The following TMEM25 variants were observed in gnomAD, a reference collection of about 807,000 sequenced individuals.
The protein encoded by TMEM25 is transmembrane protein 25.
TMEM25 carries 36 observed loss-of-function variants against 37.0 expected under a neutral mutation model. That is an observed-to-expected ratio of 0.97 (90% confidence interval 0.75 to 1.28). TMEM25 has a LOEUF of 1.28. Ranked by LOEUF, TMEM25 falls within the 50% of genes most tolerant of loss-of-function variation. The probability of loss-of-function intolerance (pLI) is 0.00; values close to 1 mark genes in which losing one functional copy is unlikely to be tolerated. For missense variants in TMEM25, 444 were observed against 477.9 expected, an observed-to-expected ratio of 0.93 and a Z score of 0.66; for synonymous variants, 197 against 203.7, an observed-to-expected ratio of 0.97 and a Z score of 0.28.
At chr11:118,543,473 T>C (rs1555066216) in intron 8 of TMEM25, among the ~76,000 whole-genome samples, 1 of 152,146 alleles carries the variant, frequency 6.6e-6, no homozygotes, top group African/African-American at 2.4e-5. Context: ...AACACTTTTG[T>C]AACCAATTTA....
Position 118,531,220 on chromosome 11 carries a change from C to CG in TMEM25, c.-38dup, listed in dbSNP as rs1370697670. ...CCTGAGCAGTTGCTCCGGCGGCGCTCGGGGAGGGAGCCAGGTGAGCCGCCC... is the reference window on the plus strand; with the variant it reads ...CCTGAGCAGTTGCTCCGGCGGCGCTCGGGGGAGGGAGCCAGGTGAGCCGCCC... On this transcript the variant is annotated 5_prime_UTR_variant, in exon 1 of 9. Coordinates refer to ENST00000313236, the MANE Select transcript of TMEM25 (RefSeq NM_032780.4). 8.1e-5 allele frequency: 36 copies of CG among 444,178 alleles called. No homozygotes were observed. Among genetic ancestry groups the CG allele is most frequent in the Middle Eastern group, 5.8e-4 (1 of 1,728 alleles). 27.5% of individuals were successfully genotyped at this position (444,178 alleles called of 1,614,324 possible).
In TMEM25 at chr11:118,535,242, C is replaced by T. The variant is rs947664107; in HGVS notation, c.*662C>T. 4 of 1,163,138 alleles carry T rather than the reference C, an allele frequency of 3.4e-6. No homozygotes were observed. The African/African-American group carries it at 6.3e-5, about 18-fold the overall frequency. 72.1% of individuals were successfully genotyped at this position (1,163,138 alleles called of 1,614,324 possible). On this transcript the variant is annotated 3_prime_UTR_variant, in exon 9 of 9. Coordinates refer to ENST00000313236, the MANE Select transcript of TMEM25 (RefSeq NM_032780.4). ...ACGTTGGACCTTCTCTACTACTTCACTGGGCACTAGACTTTTCTATTGGCC... is the reference window on the plus strand; with the variant it reads ...ACGTTGGACCTTCTCTACTACTTCATTGGGCACTAGACTTTTCTATTGGCC...
At chr11:118,546,016 C>T (rs1951675516) in intron 8 of TMEM25, 1 of 713,216 alleles carries the variant, frequency 1.4e-6, no homozygotes, top group East Asian at 2.7e-5. Context: ...CCCTGTACTT[C>T]AGAATGTGAC....
intron 8 of TMEM25, among the ~76,000 whole-genome samples, chr11:118,541,253 G>A (rs1340443735): frequency 6.6e-6 from 1 of 152,034 alleles, no homozygotes; most frequent in East Asian, 1.9e-4. Flanking sequence ...ATGAGGTCAA[G>A]AGATCGAGAC....
Position 118,532,380 on chromosome 11 carries a change from G to A in TMEM25, c.301G>A (p.Ala101Thr). ...TSTFTVTAHR[A>T]QHELNCSLQD... Reference sequence around the variant, plus strand: ...CACCTTCACTGTCACTGCCCATCGGGCCCAGCATGAGCTCAACTGCTCTCT... The same window carrying A: ...CACCTTCACTGTCACTGCCCATCGGACCCAGCATGAGCTCAACTGCTCTCT... The change falls in exon 3 of 9, where the codon GCC (alanine) becomes ACC (threonine). Residue 101 changes from alanine (A) to threonine (T), a missense_variant. Coordinates refer to ENST00000313236, the MANE Select transcript of TMEM25 (RefSeq NM_032780.4). 1 of 1,614,158 alleles carries A rather than the reference G, an allele frequency of 6.2e-7. No homozygotes were observed. Among genetic ancestry groups the A allele is most frequent in the Non-Finnish European group, 8.5e-7 (1 of 1,180,012 alleles).
In TMEM25 at chr11:118,533,550, A is replaced by C; in HGVS notation, c.804A>C (p.Lys268Asn). ...CLVCRKEKKT[K>N]GPSRHPSLIS... is the part of the protein sequence containing the mutation. ...TCTGCAGAAAAGAGAAGAAAACCAA[A>C]GGTAGGCCAGGGACACTGGGGGCAG... Residue 268 changes from lysine (K) to asparagine (N), a missense_variant and splice_region_variant, in exon 5 of 9, where the codon AAA (lysine) becomes AAC (asparagine). Coordinates refer to ENST00000313236, the MANE Select transcript of TMEM25 (RefSeq NM_032780.4). 1 of 1,613,880 alleles carries C rather than the reference A, an allele frequency of 6.2e-7. No homozygotes were observed. Among genetic ancestry groups the C allele is most frequent in the Non-Finnish European group, 8.5e-7 (1 of 1,179,882 alleles).
chr11:118,531,396 A>T, intron 1 of TMEM25, 162 bp downstream of exon 1: 1 of 360,054 alleles, frequency 2.8e-6, no homozygotes, highest in Non-Finnish European at 5.1e-6. Flanking sequence ...GGATGGGAAC[A>T]GGGCAGGAGA....
Position 118,532,527 on chromosome 11 carries a change from C to A in TMEM25, c.382+66C>A, listed in dbSNP as rs925336323. The stretch of plus-strand genomic sequence containing the variant: ...CCAGGGACCCCCAGCACCCACCAGG[C>A]AGGTGGTCCGCAGGACATTTAGCAG... On this transcript the variant is annotated intron_variant, in intron 3 of 8. Coordinates refer to ENST00000313236, the MANE Select transcript of TMEM25 (RefSeq NM_032780.4). 5 of 1,526,060 alleles carry A rather than the reference C, an allele frequency of 3.3e-6. No homozygotes were observed. In the African/African-American group the frequency reaches 6.9e-5, roughly 21 times the overall value. The allele number at this position is 1,526,060 out of a possible 1,614,324, so 94.5% of individuals were successfully genotyped here.
At chr11:118,538,067 C>T (rs1326752675), downstream of TMEM25, among the ~76,000 whole-genome samples, 7 of 152,058 alleles carry the variant, frequency 4.6e-5, no homozygotes, top group Admixed American at 4.6e-4. Flanking sequence ...AAGAGAGAAT[C>T]CCCATATGGT....
At position 118,533,124 on chromosome 11, in the gene TMEM25, T is replaced by C; in HGVS notation, c.590T>C (p.Leu197Pro). ...YPWLTNHTVQ[L>P]QLRSLAHNLS... is the part of the protein sequence containing the mutation. ...TGGCTCACCAACCACACGGTGCAGCTGCAGCTCCGCAGCCTGGCACACAAC... is the reference window on the plus strand; with the variant it reads ...TGGCTCACCAACCACACGGTGCAGCCGCAGCTCCGCAGCCTGGCACACAAC... The change falls in exon 4 of 9, where the codon CTG (leucine) becomes CCG (proline). Residue 197 changes from leucine (L) to proline (P), a missense_variant. Leu to Pro is a moderately conservative substitution (Grantham distance 98). Transcript: ENST00000313236. The C allele has an allele frequency of 6.2e-7, 1 of 1,612,680 alleles. No individual in the cohort carries two copies.
chr11:118,534,704 C>T lies in TMEM25; in HGVS notation c.*124C>T. 6.0e-6 allele frequency: 9 copies of T among 1,496,684 alleles called. No homozygotes were observed. Among genetic ancestry groups the T allele is most frequent in the Non-Finnish European group, 7.1e-6 (8 of 1,120,848 alleles). 92.7% of individuals were successfully genotyped at this position (1,496,684 alleles called of 1,614,324 possible). ...TGCCACTGCCACTTTTGCTTGCCCT[C>T]CTGGCTGGGGTGCCCTCCATGTCAT... On this transcript the variant is annotated 3_prime_UTR_variant, in exon 9 of 9. Coordinates refer to ENST00000313236, the MANE Select transcript of TMEM25 (RefSeq NM_032780.4). This position sits in a 1 kb window ranked among gnomAD's most constrained non-coding sequence, Gnocchi z 4.6.
chr11:118,534,761 G>A lies in TMEM25; in HGVS notation c.*181G>A, dbSNP rs1260004915. ...GATGCATTTCACTGGGCTGTAACCC[G>A]CAGGGGCACAGGTATCTTTGGCAAG... is the stretch of plus-strand genomic sequence containing the variant. On this transcript the variant is annotated 3_prime_UTR_variant, in exon 9 of 9. Coordinates refer to ENST00000313236, the MANE Select transcript of TMEM25 (RefSeq NM_032780.4). The surrounding 1 kb of genome is among the most constrained non-coding windows in gnomAD (Gnocchi z 4.6). 1.1e-5 allele frequency: 16 copies of A among 1,425,230 alleles called. No individual in the cohort carries two copies. Among genetic ancestry groups the A allele is most frequent in the South Asian group, 3.0e-5 (2 of 65,718 alleles). 88.3% of individuals were successfully genotyped at this position (1,425,230 alleles called of 1,614,324 possible).
Position 118,534,893 on chromosome 11 carries a change from T to C in TMEM25, c.*313T>C. Reference sequence around the variant, plus strand: ...TTTGGCCAGGGGTGTTCAGATGTCATCCAGCATCCAAGTGTGGCATGGCCT... The same window carrying C: ...TTTGGCCAGGGGTGTTCAGATGTCACCCAGCATCCAAGTGTGGCATGGCCT... On this transcript the variant is annotated 3_prime_UTR_variant, in exon 9 of 9. Coordinates refer to ENST00000313236, the MANE Select transcript of TMEM25 (RefSeq NM_032780.4). This position sits in a 1 kb window ranked among gnomAD's most constrained non-coding sequence, Gnocchi z 4.6. 2.4e-6 allele frequency: 3 copies of C among 1,236,878 alleles called. No individual in the cohort carries two copies. Among genetic ancestry groups the C allele is most frequent in the Non-Finnish European group, 2.0e-6 (2 of 979,640 alleles). 76.6% of individuals were successfully genotyped at this position (1,236,878 alleles called of 1,614,324 possible).
chr11:118,532,727 C>A, intron 3 of TMEM25, 190 bp from the exon 4 acceptor site: 1 of 853,548 alleles, frequency 1.2e-6, no homozygotes, highest in Non-Finnish European at 1.8e-6. Flanking sequence ...CACATCTGGG[C>A]ATTTGGCTCT....
At chr11:118,543,967 C>T (rs370181940) in intron 8 of TMEM25, among the ~76,000 whole-genome samples, 3 of 152,032 alleles carry the variant, frequency 2.0e-5, no homozygotes, top group East Asian at 3.9e-4. Context: ...CCAAAACACC[C>T]GGCTAACTTT....
chr11:118,540,926 G>C (rs115091755), intron 8 of TMEM25, among the ~76,000 whole-genome samples: 2,078 of 152,260 alleles, frequency 0.014, 56 homozygotes, highest in African/African-American at 0.048. Context: ...CAGAGAGCAA[G>C]TTAGTGGTTG....
intron 8 of TMEM25, among the ~76,000 whole-genome samples, chr11:118,543,338 G>A (rs1470349609): frequency 2.0e-5 from 3 of 151,944 alleles, no homozygotes; most frequent in Non-Finnish European, 2.9e-5. Context: ...TGATGGTATC[G>A]ATTTTGTTTT....
Position 118,534,086 on chromosome 11 carries a change from C to G in TMEM25, c.894C>G (p.Leu298=). The change falls in exon 7 of 9, where the codon CTC becomes CTG. Residue 298 remains leucine, a synonymous_variant. Coordinates refer to ENST00000313236, the MANE Select transcript of TMEM25 (RefSeq NM_032780.4). The surrounding 1 kb of genome is among the most constrained non-coding windows in gnomAD (Gnocchi z 4.6). ...GCCTGCCACGGGAGAACATGTCCCT[C>G]CCGTCCAACCTTCAGCTCAATGACC... The part of the protein sequence containing the change: ...NVRLPRENMS[L]PSNLQLNDLT... The G allele has an allele frequency of 3.1e-6, 5 of 1,614,174 alleles. No homozygotes were observed. Among genetic ancestry groups the G allele is most frequent in the Non-Finnish European group, 4.2e-6 (5 of 1,180,020 alleles).
At chr11:118,536,417 T>C (rs1208256074), downstream of TMEM25, among the ~76,000 whole-genome samples, 1 of 152,002 alleles carries the variant, frequency 6.6e-6, no homozygotes, top group Non-Finnish European at 1.5e-5. Flanking sequence ...GGTCTTGAAC[T>C]CCCGACCTCA....
Sources: allele counts gnomAD v4.1 joint callset (sites outside exome capture counted in the v4.1 genomes callset), GRCh38; gene constraint gnomAD v4.1.1; non-coding constraint Gnocchi (gnomAD v3.1); transcripts MANE v1.5; gene names NCBI Gene and HGNC (gene_info 2026-07-23, HGNC 2026-07-21).